The following TAFA5 variants were observed in gnomAD, a reference collection of about 807,000 sequenced individuals.
TAFA5 encodes the protein chemokine-like protein TAFA-5.
A neutral mutation model predicts 15.3 loss-of-function variants in TAFA5; 6 were observed. The observed-to-expected ratio is 0.39, with a 90% CI of 0.21 to 0.77. The LOEUF (loss-of-function observed/expected upper bound fraction) is 0.77, where lower values mean the gene tolerates loss of function less well. Ranked by LOEUF, TAFA5 falls within the 30% of genes least tolerant of loss-of-function variation. The probability of loss-of-function intolerance (pLI) is 0.41; values close to 1 mark genes in which losing one functional copy is unlikely to be tolerated. For synonymous variants in TAFA5, 103 were observed against 80.7 expected (o/e 1.28, Z -1.48); for missense variants, 161 against 193.1 (o/e 0.83, Z 0.98).
At chr22:48,717,212 T>C (rs1929427585) in intron 3 of TAFA5, among the ~76,000 whole-genome samples, 1 of 152,218 alleles carries the variant, frequency 6.6e-6, no homozygotes, top group Non-Finnish European at 1.5e-5. Flanking sequence ...GTCGTCGGGT[T>C]CTCAGCAGAT....
chr22:48,653,711 A>G (rs893276845), intron 2 of TAFA5, among the ~76,000 whole-genome samples: 3 of 152,184 alleles, frequency 2.0e-5, no homozygotes. Context: ...GCCTCTGTAG[A>G]GAGATGAGAC....
intron 2 of TAFA5, among the ~76,000 whole-genome samples, chr22:48,673,633 G>A (rs1927871912): frequency 6.6e-6 from 1 of 152,206 alleles, no homozygotes; most frequent in Non-Finnish European, 1.5e-5. Context: ...GCTGTGTACT[G>A]TGTGTAGGGC....
intron 1 of TAFA5, among the ~76,000 whole-genome samples, chr22:48,594,154 A>G (rs1279988675): frequency 6.6e-6 from 1 of 152,146 alleles, no homozygotes; most frequent in Admixed American, 6.5e-5. Flanking sequence ...GGGGATGCAC[A>G]GGGGCGGTGA....
intron 1 of TAFA5, among the ~76,000 whole-genome samples, chr22:48,615,826 C>CT (rs1925583203): frequency 6.6e-6 from 1 of 152,070 alleles, no homozygotes; most frequent in Admixed American, 6.5e-5. Context: ...AGAGAACCCC[C>CT]TCCCAGCCAG....
chr22:48,727,600 A>G (rs533072551), intron 3 of TAFA5, among the ~76,000 whole-genome samples: 1 of 152,350 alleles, frequency 6.6e-6, no homozygotes, highest in East Asian at 1.9e-4. Flanking sequence ...ATAGAATGTC[A>G]CTATCAGTGA....
intron 1 of TAFA5, among the ~76,000 whole-genome samples, chr22:48,511,738 A>G (rs1170670381): frequency 6.6e-6 from 1 of 152,230 alleles, no homozygotes; most frequent in East Asian, 1.9e-4. Context: ...CTCTCCAGGT[A>G]TCGGAAATGA....
chr22:48,563,524 G>A (rs991291931), intron 1 of TAFA5, among the ~76,000 whole-genome samples: 5 of 152,212 alleles, frequency 3.3e-5, no homozygotes, highest in African/African-American at 1.2e-4. Context: ...TATGGGAAGA[G>A]GGGCCTGGCT....
intron 1 of TAFA5, among the ~76,000 whole-genome samples, chr22:48,611,547 T>C (rs1177453807): frequency 6.6e-6 from 1 of 152,070 alleles, no homozygotes; most frequent in Non-Finnish European, 1.5e-5. Context: ...GCCATGTGGA[T>C]TCTGTGGCCA....
intron 3 of TAFA5, among the ~76,000 whole-genome samples, chr22:48,721,873 G>A (rs1929579118): frequency 6.6e-6 from 1 of 152,144 alleles, no homozygotes; most frequent in Non-Finnish European, 1.5e-5. Context: ...GGAGGCTGAG[G>A]CAGGAGAATC....
chr22:48,633,286 A>T (rs1353289801), intron 1 of TAFA5, among the ~76,000 whole-genome samples: 4 of 152,210 alleles, frequency 2.6e-5, no homozygotes, highest in African/African-American at 9.6e-5. Context: ...GTGTTCCAGC[A>T]TGGCTGTGGC....
At chr22:48,630,594 GGTGGACCCA>G (rs1926185603) in intron 1 of TAFA5, among the ~76,000 whole-genome samples, 1 of 152,196 alleles carries the variant, frequency 6.6e-6, no homozygotes, top group African/African-American at 2.4e-5. Context: ...GGTGGGGCCA[GGTGGACCCA>G]GTGAGGCGCT....
intron 3 of TAFA5, among the ~76,000 whole-genome samples, chr22:48,725,476 T>G (rs1929688269): frequency 6.6e-6 from 1 of 152,102 alleles, no homozygotes; most frequent in South Asian, 2.1e-4. Flanking sequence ...AGTGTCTGCT[T>G]GTTGGTGTCA....
At chr22:48,718,065 GC>G (rs1468139650) in intron 3 of TAFA5, among the ~76,000 whole-genome samples, 1 of 152,218 alleles carries the variant, frequency 6.6e-6, no homozygotes, top group Non-Finnish European at 1.5e-5. Flanking sequence ...GCCTTGCATG[GC>G]CAGGGCAGGG....
At chr22:48,681,704 C>T (rs1436083878) in intron 2 of TAFA5, among the ~76,000 whole-genome samples, 1 of 151,728 alleles carries the variant, frequency 6.6e-6, no homozygotes, top group African/African-American at 2.4e-5. Context: ...AAGAAGTTTC[C>T]AAGAGAGGCG....
Position 48,680,293 on chromosome 22 carries a change from G to A in TAFA5, c.263-27424G>A, listed in dbSNP as rs187399294. The stretch of plus-strand genomic sequence containing the variant: ...AGGAGCGTGTGCGTCCCACGACCCA[G>A]GTTGCTGCCAGCTTTTGCTGGGTTC... On this transcript the variant is annotated intron_variant, in intron 2 of 3. Transcript: ENST00000402357. Among the ~76,000 whole-genome samples, 454 of 152,366 alleles carry A rather than the reference G, an allele frequency of 3.0e-3. 1 individual carries two copies. The highest frequency in any genetic ancestry group is 4.8e-3 in the Admixed American group (74 of 15,306).
chr22:48,508,646 G>A (rs549312402), intron 1 of TAFA5, among the ~76,000 whole-genome samples: 5 of 152,198 alleles, frequency 3.3e-5, no homozygotes, highest in Non-Finnish European at 5.9e-5. Flanking sequence ...CCTAACTGCA[G>A]TTGCCCCACA....
At chr22:48,678,177 A>T (rs113429659) in intron 2 of TAFA5, among the ~76,000 whole-genome samples, 4 of 152,042 alleles carry the variant, frequency 2.6e-5, no homozygotes, top group African/African-American at 9.7e-5. Flanking sequence ...TCTGGGCCCC[A>T]TGTTCCCTCT....
intron 2 of TAFA5, among the ~76,000 whole-genome samples, chr22:48,683,696 C>T (rs1016610114): frequency 4.6e-5 from 7 of 152,232 alleles, no homozygotes; most frequent in African/African-American, 1.7e-4. Flanking sequence ...AACTTTCAAA[C>T]TTGTCATTGG....
intron 3 of TAFA5, among the ~76,000 whole-genome samples, chr22:48,741,952 A>T (rs1930191533): frequency 2.0e-5 from 3 of 152,344 alleles, no homozygotes; most frequent in South Asian, 4.1e-4. Context: ...AGTGCCCTGC[A>T]TTCTCTCTTA....
Sources: allele counts gnomAD v4.1 joint callset (sites outside exome capture counted in the v4.1 genomes callset), GRCh38; gene constraint gnomAD v4.1.1; transcripts MANE v1.5; gene names NCBI Gene and HGNC (gene_info 2026-07-23, HGNC 2026-07-21).